Variants in ENTHD1 observed in about 807,000 individuals in gnomAD.
ENTHD1 encodes ENTH domain-containing protein 1.
ENTHD1 carries 23 observed loss-of-function variants against 39.1 expected under a neutral mutation model. The ratio of observed to expected loss-of-function variants is 0.59; its 90% CI spans 0.42 to 0.83. ENTHD1 has a LOEUF of 0.83. Ranked by LOEUF, ENTHD1 falls within the 40% of genes least tolerant of loss-of-function variation. The probability of loss-of-function intolerance (pLI) is 0.00; values close to 1 mark genes in which losing one functional copy is unlikely to be tolerated. For synonymous variants in ENTHD1, 230 were observed against 258.2 expected (o/e 0.89, Z 1.05); for missense variants, 624 against 705.4 (o/e 0.88, Z 1.31).
At chr22:39,773,117 CAAAAAAAAAAAAAAAA>C (rs57398699) in intron 5 of ENTHD1, among the ~76,000 whole-genome samples, 4 of 36,102 alleles carry the variant, frequency 1.1e-4, no homozygotes, top group South Asian at 2.3e-3. Context: ...GACCTCATCT[CAAAAAAAAAAAAAAAA>C]AAAAAAAAAA....
chr22:39,785,324 T>C (rs1222869432), intron 5 of ENTHD1, among the ~76,000 whole-genome samples: 1 of 152,234 alleles, frequency 6.6e-6, no homozygotes, highest in Non-Finnish European at 1.5e-5. Context: ...CCCCGATATA[T>C]CCGGTGCCAT....
chr22:39,760,867 T>G (rs2065227795), intron 6 of ENTHD1, among the ~76,000 whole-genome samples: 1 of 152,126 alleles, frequency 6.6e-6, no homozygotes, highest in African/African-American at 2.4e-5. Context: ...TAGAAATCTT[T>G]CAATGGTATA....
At chr22:39,862,671 T>C (rs995556317) in intron 2 of ENTHD1, among the ~76,000 whole-genome samples, 7 of 151,948 alleles carry the variant, frequency 4.6e-5, no homozygotes, top group Admixed American at 4.6e-4. Flanking sequence ...CCAGGACACA[T>C]GGTTAAAGAT....
chr22:39,815,433 A>G (rs1415653546), intron 5 of ENTHD1, among the ~76,000 whole-genome samples: 2 of 151,694 alleles, frequency 1.3e-5, no homozygotes, highest in Non-Finnish European at 2.9e-5. Flanking sequence ...ACAAGAGTGA[A>G]ACTCCGTCTC....
At chr22:39,832,931 A>T (rs1161724623) in intron 4 of ENTHD1, among the ~76,000 whole-genome samples, 1 of 152,148 alleles carries the variant, frequency 6.6e-6, no homozygotes, top group African/African-American at 2.4e-5. Context: ...CTCCACAGCT[A>T]CTGGGACTCA....
At chr22:39,879,191 G>A (rs1011740062) in intron 2 of ENTHD1, among the ~76,000 whole-genome samples, 6 of 151,918 alleles carry the variant, frequency 3.9e-5, no homozygotes, top group Admixed American at 6.6e-5. Context: ...GGCCGGGCAC[G>A]GTGGCTCACT....
At chr22:39,875,807 C>G (rs1402341856) in intron 2 of ENTHD1, 2 of 1,613,404 alleles carry the variant, frequency 1.2e-6, no homozygotes, top group South Asian at 1.1e-5. Flanking sequence ...GAGAGGCAAA[C>G]CCCTGTTTGT....
intron 3 of ENTHD1, among the ~76,000 whole-genome samples, chr22:39,859,309 G>A (rs762103430): frequency 1.3e-5 from 2 of 152,106 alleles, no homozygotes; most frequent in African/African-American, 4.8e-5. Flanking sequence ...TATCATTCCC[G>A]TATTCATTGG....
At chr22:39,789,128 T>G (rs997099856) in intron 5 of ENTHD1, among the ~76,000 whole-genome samples, 1 of 152,296 alleles carries the variant, frequency 6.6e-6, no homozygotes, top group African/African-American at 2.4e-5. Flanking sequence ...CATCTACTGA[T>G]GGACAGCTAG....
rs113169562 is a variant in ENTHD1, at chr22:39,758,450, T to G, written c.1219+6773A>C. Among the ~76,000 whole-genome samples, 43 of 152,226 alleles carry G rather than the reference T, an allele frequency of 2.8e-4. 1 individual carries two copies. Among genetic ancestry groups the G allele is most frequent in the African/African-American group, 9.6e-4 (40 of 41,538 alleles). On this transcript the variant is annotated intron_variant, in intron 6 of 6. Coordinates refer to ENST00000325157, the MANE Select transcript of ENTHD1 (RefSeq NM_152512.4). ...TTTATTTATTTATTTTGGAGATGGGTGTCTTGCTCTGTTGCCCAGGCTGGG... is the reference window on the plus strand; with the variant it reads ...TTTATTTATTTATTTTGGAGATGGGGGTCTTGCTCTGTTGCCCAGGCTGGG...
chr22:39,821,432 A>C (rs753489242), intron 4 of ENTHD1, among the ~76,000 whole-genome samples: 25 of 152,230 alleles, frequency 1.6e-4, no homozygotes, highest in Admixed American at 1.4e-3. Flanking sequence ...CTCACTGGCA[A>C]TCATAAAGTC....
intron 5 of ENTHD1, among the ~76,000 whole-genome samples, chr22:39,780,249 C>T (rs7290833): frequency 0.061 from 9,202 of 151,972 alleles, 386 homozygotes; most frequent in South Asian, 0.12. Flanking sequence ...TCATGGCATG[C>T]GCCTGTAGTC....
intron 5 of ENTHD1, among the ~76,000 whole-genome samples, chr22:39,814,439 G>A (rs999876592): frequency 1.4e-4 from 21 of 152,146 alleles, no homozygotes; most frequent in South Asian, 2.1e-4. Context: ...CAGCATGGGC[G>A]ACAGAGTGAG....
intron 5 of ENTHD1, among the ~76,000 whole-genome samples, chr22:39,800,163 CACTT>C (rs1445395369): frequency 6.6e-6 from 1 of 152,172 alleles, no homozygotes; most frequent in Non-Finnish European, 1.5e-5. Flanking sequence ...GAGGATTTCT[CACTT>C]ACTTCCACAC....
intron 5 of ENTHD1, among the ~76,000 whole-genome samples, chr22:39,768,311 C>A (rs2065294679): frequency 1.3e-5 from 2 of 152,134 alleles, no homozygotes; most frequent in South Asian, 4.1e-4. Flanking sequence ...CTTTCTGTTG[C>A]TATTCAACAG....
intron 2 of ENTHD1, among the ~76,000 whole-genome samples, chr22:39,865,923 T>C (rs1264320043): frequency 6.6e-6 from 1 of 152,232 alleles, no homozygotes; most frequent in Non-Finnish European, 1.5e-5. Flanking sequence ...TAGGAAATGC[T>C]TGCATTTTCT....
chr22:39,832,226 G>A (rs138948387), intron 4 of ENTHD1, among the ~76,000 whole-genome samples: 5 of 152,244 alleles, frequency 3.3e-5, no homozygotes, highest in East Asian at 1.9e-4. Flanking sequence ...TGGGAAGATC[G>A]CTTGCACCCA....
intron 4 of ENTHD1, among the ~76,000 whole-genome samples, chr22:39,827,573 A>G (rs1319056489): frequency 3.9e-5 from 6 of 152,208 alleles, no homozygotes; most frequent in Non-Finnish European, 5.9e-5. Flanking sequence ...AAACATGCCC[A>G]ATAAACACAT....
chr22:39,891,044 G>A (rs1486893774), intron 1 of ENTHD1, among the ~76,000 whole-genome samples: 1 of 152,166 alleles, frequency 6.6e-6, no homozygotes, highest in Non-Finnish European at 1.5e-5. Context: ...AAATTGACAT[G>A]AGACAAAATT....
Sources: allele counts gnomAD v4.1 joint callset (sites outside exome capture counted in the v4.1 genomes callset), GRCh38; gene constraint gnomAD v4.1.1; transcripts MANE v1.5; gene names NCBI Gene and HGNC (gene_info 2026-07-23, HGNC 2026-07-21).